The following GLP2R variants were observed in gnomAD, a reference collection of about 807,000 sequenced individuals.
GLP2R encodes the protein glucagon like peptide 2 receptor, also known as glucagon-like peptide 2 receptor.
Under a neutral mutation model 68.2 loss-of-function variants are expected in GLP2R, and 59 were observed. That is an observed-to-expected ratio of 0.87 (90% CI 0.70 to 1.07). The LOEUF (loss-of-function observed/expected upper bound fraction) is 1.07. Among genes scored for constraint, GLP2R ranks in the 50% least tolerant of loss-of-function variants. The probability of loss-of-function intolerance (pLI) is 0.00; values close to 1 mark genes in which losing one functional copy is unlikely to be tolerated. For synonymous variants in GLP2R, 270 were observed against 265.4 expected (o/e 1.02, Z -0.17); for missense variants, 548 against 677.4 (o/e 0.81, Z 2.12).
intron 1 of GLP2R, among the ~76,000 whole-genome samples, chr17:9,830,093 T>C (rs2066666999): frequency 6.6e-6 from 1 of 152,224 alleles, no homozygotes; most frequent in South Asian, 2.1e-4. Context: ...CCTTGTGTTT[T>C]TTATGTCTTT....
chr17:9,876,727 G>A (rs1266422786), intron 10 of GLP2R, among the ~76,000 whole-genome samples: 1 of 152,174 alleles, frequency 6.6e-6, no homozygotes, highest in Non-Finnish European at 1.5e-5. Context: ...TACTCAGTAT[G>A]TCAAGGTGCC....
chr17:9,863,510 C>A (rs2067005909), intron 9 of GLP2R, among the ~76,000 whole-genome samples: 1 of 152,166 alleles, frequency 6.6e-6, no homozygotes, highest in Non-Finnish European at 1.5e-5. Context: ...TAGCACTGTG[C>A]AGCTCAAAAA....
At chr17:9,857,206 A>G (rs2066941790) in intron 5 of GLP2R, among the ~76,000 whole-genome samples, 1 of 152,184 alleles carries the variant, frequency 6.6e-6, no homozygotes, top group African/African-American at 2.4e-5. Context: ...GGTGTGAGCC[A>G]CCGCGCCTGG....
At chr17:9,857,071 G>A (rs184880107) in intron 5 of GLP2R, among the ~76,000 whole-genome samples, 391 of 152,144 alleles carry the variant, frequency 2.6e-3, no homozygotes, top group Non-Finnish European at 2.6e-3. Context: ...ACAGGCACGC[G>A]CCACCACACC....
chr17:9,851,436 G>A (rs1365497389), intron 4 of GLP2R, among the ~76,000 whole-genome samples: 3 of 152,112 alleles, frequency 2.0e-5, no homozygotes, highest in Non-Finnish European at 4.4e-5. Flanking sequence ...TTGACAATAA[G>A]AGTTGACAAT....
chr17:9,881,704 G>A (rs953706675), intron 11 of GLP2R, among the ~76,000 whole-genome samples: 6 of 152,152 alleles, frequency 3.9e-5, no homozygotes, highest in African/African-American at 1.4e-4. Context: ...GCCTATGCCT[G>A]GAACTGGCAC....
At chr17:9,873,156 G>C (rs900462586) in intron 10 of GLP2R, among the ~76,000 whole-genome samples, 16 of 152,174 alleles carry the variant, frequency 1.1e-4, no homozygotes, top group African/African-American at 3.9e-4. Context: ...GGTGCACTCA[G>C]GGAGGAGAGT....
chr17:9,844,225 C>T (rs1007945515), intron 4 of GLP2R, among the ~76,000 whole-genome samples: 3 of 152,176 alleles, frequency 2.0e-5, no homozygotes, highest in African/African-American at 7.2e-5. Flanking sequence ...TGGTGAAGGC[C>T]TCCTGTGCCC....
At chr17:9,876,328 A>G (rs921055433) in intron 10 of GLP2R, among the ~76,000 whole-genome samples, 7 of 152,262 alleles carry the variant, frequency 4.6e-5, no homozygotes, top group African/African-American at 1.7e-4. Context: ...GAGAAAAAGC[A>G]TCCAAGTTTA....
intron 7 of GLP2R, 48 bp downstream of exon 7, chr17:9,860,149 A>G (rs2152039748): frequency 6.7e-7 from 1 of 1,503,690 alleles, no homozygotes; most frequent in South Asian, 1.3e-5. Flanking sequence ...CCATCAAAAT[A>G]TGGGAGCCTG....
intron 9 of GLP2R, among the ~76,000 whole-genome samples, chr17:9,867,193 A>C (rs1205082604): frequency 6.6e-6 from 1 of 152,202 alleles, no homozygotes; most frequent in East Asian, 1.9e-4. Context: ...CCAACTGTGC[A>C]TGGTGAACCA....
At position 9,833,845 on chromosome 17, in the gene GLP2R, G is replaced by A; in HGVS notation, c.228G>A (p.Trp76Ter). 3 of 1,613,690 alleles carry A rather than the reference G, an allele frequency of 1.9e-6. No homozygotes were observed. Among genetic ancestry groups the A allele is most frequent in the Non-Finnish European group, 2.5e-6 (3 of 1,179,700 alleles). The change falls in exon 2 of 13, where the codon TGG becomes TGA. Residue 76 changes from tryptophan (W) to a stop codon, truncating the protein, a stop_gained. Transcript: ENST00000262441. LOFTEE classifies it high-confidence loss of function. ...TCCTTGAGGAAACGACTCGGAAGTG[G>A]GCTCAGTACAAACAGGCATGTCTGA... Reference protein sequence around the residue: ...GSLLEETTRKWAQYKQACLRD... With the variant: ...GSLLEETTRK
Position 9,828,086 on chromosome 17 carries a change from A to G in GLP2R, c.189+1834A>G, listed in dbSNP as rs562931008. 5.3e-5 allele frequency among the ~76,000 whole-genome samples: 8 copies of G among 152,148 alleles called. No individual in the cohort carries two copies. In the South Asian group the frequency reaches 1.7e-3, roughly 32 times the overall value. On this transcript the variant is annotated intron_variant, in intron 1 of 12. Transcript: ENST00000262441. ...CCCATGTAGGGCAGGCTGTGGTACC[A>G]GGTCTCATGAGGGTTCACCTCAGGC...
intron 11 of GLP2R, among the ~76,000 whole-genome samples, chr17:9,885,588 C>T (rs889003120): frequency 3.3e-5 from 5 of 152,004 alleles, no homozygotes; most frequent in African/African-American, 1.2e-4. Context: ...GTGGCCTCTC[C>T]ATGTATCTTG....
chr17:9,826,942 G>T (rs1378163483), intron 1 of GLP2R, among the ~76,000 whole-genome samples: 1 of 152,098 alleles, frequency 6.6e-6, no homozygotes, highest in African/African-American at 2.4e-5. Flanking sequence ...TGAGATCTTG[G>T]CTCACTGCAA....
rs539382114 is a variant in GLP2R at position 9,877,145 on chromosome 17, A to G, written c.1146-3233A>G. ...CTTTGACTACAACTCCTTCTTTCCC[A>G]CTATATTCACTCATGTGCCATAAGC... On this transcript the variant is annotated intron_variant, in intron 10 of 12. Coordinates refer to ENST00000262441, the MANE Select transcript of GLP2R (RefSeq NM_004246.3). 2.0e-5 allele frequency among the ~76,000 whole-genome samples: 3 copies of G among 152,276 alleles called. No individual in the cohort carries two copies. The East Asian group carries it at 5.8e-4, about 29-fold the overall frequency.
At chr17:9,839,797 C>G (rs889696492) in intron 3 of GLP2R, among the ~76,000 whole-genome samples, 2 of 152,158 alleles carry the variant, frequency 1.3e-5, no homozygotes, top group Non-Finnish European at 2.9e-5. Context: ...TGCACCTGGT[C>G]CAGCTCTTGC....
rs772929795 is a variant in GLP2R, at chr17:9,859,896, A to T, written c.766-46A>T. On this transcript the variant is annotated intron_variant, in intron 6 of 12. Coordinates refer to ENST00000262441, the MANE Select transcript of GLP2R (RefSeq NM_004246.3). Reference sequence around the variant, plus strand: ...CCCTTCTCCCCCGACTCGGGATCAGATGCAGGGGAGCCTGGACTCACCCTC... The same window carrying T: ...CCCTTCTCCCCCGACTCGGGATCAGTTGCAGGGGAGCCTGGACTCACCCTC... 4 of 1,420,296 alleles carry T rather than the reference A, an allele frequency of 2.8e-6. No homozygotes were observed. In the African/African-American group the frequency reaches 4.4e-5, roughly 16 times the overall value. The allele number at this position is 1,420,296 out of a possible 1,614,324, so 88.0% of individuals were successfully genotyped here.
chr17:9,851,835 A>G (rs1017916820), intron 4 of GLP2R, among the ~76,000 whole-genome samples: 13 of 152,198 alleles, frequency 8.5e-5, no homozygotes, highest in South Asian at 4.1e-4. Flanking sequence ...AAAATCACAC[A>G]AAATATATTA....
Sources: gnomAD v4.1 joint callset for allele counts (sites outside exome capture counted in the v4.1 genomes callset) on GRCh38, gnomAD v4.1.1 for gene constraint, MANE v1.5 for transcripts, NCBI Gene and HGNC (gene_info 2026-07-23, HGNC 2026-07-21) for gene names.